SRRT: variants seen among roughly 807,000 people sequenced by gnomAD.
The protein encoded by SRRT is serrate, RNA effector molecule, also known as serrate RNA effector molecule homolog.
In SRRT, 32 loss-of-function variants were observed where a neutral mutation model predicts 103.2. That is an observed-to-expected ratio of 0.31 (90% CI 0.23 to 0.42). The LOEUF (loss-of-function observed/expected upper bound fraction) is 0.42. SRRT is among the 10% of genes least tolerant of loss of function. The probability of loss-of-function intolerance (pLI) is 1.00; values close to 1 mark genes in which losing one functional copy is unlikely to be tolerated. For missense variants in SRRT, 986 were observed against 1,207.5 expected (o/e 0.82, Z 2.72); for synonymous variants, 525 against 449.0 (o/e 1.17, Z -2.14).
In SRRT at chr7:100,881,274, C is replaced by T; in HGVS notation, c.123-11C>T. ...TGGCCTTTAATCTTTGTTACTTGTT[C>T]TTACTGCCAGAGAGTGGGACCGTGG... On this transcript the variant is annotated splice_polypyrimidine_tract_variant and intron_variant, in intron 2 of 19. Coordinates refer to ENST00000611405, the MANE Select transcript of SRRT (RefSeq NM_015908.6). 1 of 1,604,798 alleles carries T rather than the reference C, an allele frequency of 6.2e-7. No homozygotes were observed.
intron 2 of SRRT, among the ~76,000 whole-genome samples, chr7:100,877,213 G>C (rs1389751751): frequency 6.6e-6 from 1 of 151,418 alleles, no homozygotes; most frequent in African/African-American, 2.4e-5. Context: ...ACGAGATCGA[G>C]AGATTGAGAC....
intron 2 of SRRT, among the ~76,000 whole-genome samples, chr7:100,877,955 C>T (rs1212377303): frequency 1.3e-5 from 2 of 152,144 alleles, no homozygotes; most frequent in African/African-American, 2.4e-5. Flanking sequence ...AACTGAGAAC[C>T]TGTTACTTCA....
Position 100,887,576 on chromosome 7 carries a change from C to A in SRRT, c.2169+63C>A. On this transcript the variant is annotated intron_variant, in intron 16 of 19. Transcript: ENST00000611405. The surrounding 1 kb of genome is among the most constrained non-coding windows in gnomAD (Gnocchi z 4.1). ...GGAGGTGGGGTTGAGACAGGAAGCC[C>A]CCTGGGCAGGGGTGGGGGAACTGCT... 1 of 1,590,634 alleles carries A rather than the reference C, an allele frequency of 6.3e-7. No individual in the cohort carries two copies. Among genetic ancestry groups the A allele is most frequent in the Non-Finnish European group, 8.6e-7 (1 of 1,166,050 alleles).
rs1248412606 is a variant in SRRT, at chr7:100,887,357, G to A, written c.2013G>A (p.Thr671=). ...EWQKTFEEKL[T]PLLSVRESLS... Reference sequence around the variant, plus strand: ...AGAAGACTTTTGAGGAGAAGCTCACGCCGTTGCTGAGTGTGCGGGAGTCAC... The same window carrying A: ...AGAAGACTTTTGAGGAGAAGCTCACACCGTTGCTGAGTGTGCGGGAGTCAC... The change falls in exon 16 of 20, where the codon ACG becomes ACA. Residue 671 remains threonine, a synonymous_variant. Transcript: ENST00000611405. This position sits in a 1 kb window ranked among gnomAD's most constrained non-coding sequence, Gnocchi z 4.1. The A allele has an allele frequency of 1.2e-6, 2 of 1,614,148 alleles. No individual in the cohort carries two copies. Among genetic ancestry groups the A allele is most frequent in the African/African-American group, 1.3e-5 (1 of 75,028 alleles).
At chr7:100,879,926 C>T (rs1218142109) in intron 2 of SRRT, among the ~76,000 whole-genome samples, 2 of 152,116 alleles carry the variant, frequency 1.3e-5, no homozygotes, top group Non-Finnish European at 2.9e-5. Flanking sequence ...GAGTGACAGC[C>T]AGGAGCCCAA....
At chr7:100,875,451 ATGG>A (rs1260923013) in intron 1 of SRRT, 119 bp from the exon 2 acceptor site, 1 of 1,534,834 alleles carries the variant, frequency 6.5e-7, no homozygotes, top group African/African-American at 1.4e-5. Context: ...CAGGCCTAGG[ATGG>A]TGGGGGCCGC....
chr7:100,887,526 G>A lies in SRRT; in HGVS notation c.2169+13G>A. The A allele has an allele frequency of 6.2e-7, 1 of 1,612,516 alleles. No individual in the cohort carries two copies. The stretch of plus-strand genomic sequence containing the variant: ...CAAGAAATTCAAGGTGTGGGATGTT[G>A]GAGAATGGCCGTGCTACGGTGGTGG... On this transcript the variant is annotated intron_variant, in intron 16 of 19. Transcript: ENST00000611405. The surrounding 1 kb of genome is among the most constrained non-coding windows in gnomAD (Gnocchi z 4.1).
Position 100,884,521 on chromosome 7 carries a change from A to T in SRRT, c.911A>T (p.Asp304Val). 1 of 1,540,222 alleles carries T rather than the reference A, an allele frequency of 6.5e-7. No homozygotes were observed. The highest frequency in any genetic ancestry group is 1.4e-5 in the African/African-American group (1 of 72,304). ...GGGGACGGGGAGCGCAAAACCAACG[A>T]CAAGGATGAGAAGAAGGAAGACGGC... ...GLGDGERKTN[D>V]KDEKKEDGKQ... Residue 304 changes from aspartate to valine, a missense_variant, in exon 7 of 20, where the codon GAC (aspartate) becomes GTC (valine). Physicochemically the swap from Asp to Val is radical, Grantham distance 152. Transcript: ENST00000611405.
chr7:100,888,507 A>G lies in SRRT; in HGVS notation c.2589A>G (p.Glu863=), dbSNP rs370307936. The change falls in exon 20 of 20, where the codon GAA becomes GAG. Residue 863 remains glutamate, a synonymous_variant. Coordinates refer to ENST00000611405, the MANE Select transcript of SRRT (RefSeq NM_015908.6). ...GTGGAGACCCAAGGGCCATTGTGGA[A>G]TATCGGGACCTGGATGCCCCAGACG... The part of the protein sequence containing the change: ...MVRGDPRAIV[E]YRDLDAPDDV... The G allele has an allele frequency of 1.5e-5, 25 of 1,614,040 alleles. No individual in the cohort carries two copies. In the Admixed American group the frequency reaches 1.7e-4, roughly 11 times the overall value.
At chr7:100,880,791 G>T (rs976862581) in intron 2 of SRRT, 5 of 354,624 alleles carry the variant, frequency 1.4e-5, no homozygotes, top group Non-Finnish European at 2.3e-5. Context: ...TGTAGCAGGG[G>T]TGATTCATGT....
chr7:100,881,780 C>T lies in SRRT; in HGVS notation c.373C>T (p.His125Tyr). The change falls in exon 4 of 20, where the codon CAC becomes TAC. Residue 125 changes from histidine to tyrosine, a missense_variant. Around this residue, in one of 6 missense-constraint regions of SRRT, gnomAD observed 274 missense variants for 358.5 expected, o/e 0.76. Coordinates refer to ENST00000611405, the MANE Select transcript of SRRT (RefSeq NM_015908.6). The stretch of plus-strand genomic sequence containing the variant: ...CCACCCTGACGTCCACATCATGCAG[C>T]ACCATGTCCTGCCTATCCAGGCCAG... The part of the protein sequence containing the change: ...WGHPDVHIMQ[H>Y]HVLPIQARLG... 1 of 1,612,314 alleles carries T rather than the reference C, an allele frequency of 6.2e-7. No individual in the cohort carries two copies. Among genetic ancestry groups the T allele is most frequent in the South Asian group, 1.1e-5 (1 of 90,990 alleles).
At chr7:100,886,585 C>T in intron 13 of SRRT, 150 bp downstream of exon 13, 2 of 958,336 alleles carry the variant, frequency 2.1e-6, no homozygotes, top group Non-Finnish European at 1.5e-6. Context: ...GCAGCACCTC[C>T]AGATTCCAGC....
Position 100,881,708 on chromosome 7 carries a change from G to C in SRRT, c.301G>C (p.Ala101Pro). The C allele has an allele frequency of 6.2e-7, 1 of 1,614,088 alleles. No homozygotes were observed. The highest frequency in any genetic ancestry group is 8.5e-7 in the Non-Finnish European group (1 of 1,180,022). ...CCACAGTGGCTATGAGATGCCCTATGCTGGGGGGGGTGGGGGCCCAACTTA... is the reference window on the plus strand; with the variant it reads ...CCACAGTGGCTATGAGATGCCCTATCCTGGGGGGGGTGGGGGCCCAACTTA... The part of the protein sequence containing the change: ...PYHSGYEMPY[A>P]GGGGGPTYGP... Residue 101 changes from alanine (A) to proline (P), a missense_variant, in exon 4 of 20, where the codon GCT (alanine) becomes CCT (proline). Ala to Pro is a conservative substitution (Grantham distance 27). This residue lies in a region of SRRT where 274 missense variants were observed against 358.5 expected (regional missense o/e 0.76). Transcript: ENST00000611405.
At chr7:100,875,482 G>T in intron 1 of SRRT, 91 bp from the exon 2 acceptor site, 1 of 1,570,948 alleles carries the variant, frequency 6.4e-7, no homozygotes, top group Middle Eastern at 1.7e-4. Flanking sequence ...TGGCCTTGGC[G>T]GGAGGGAAGC....
intron 2 of SRRT, among the ~76,000 whole-genome samples, chr7:100,880,958 C>T (rs1243117478): frequency 1.3e-5 from 2 of 152,048 alleles, no homozygotes; most frequent in African/African-American, 2.4e-5. Context: ...CAGTGGCTTG[C>T]CCTGACTAGA....
Position 100,885,744 on chromosome 7 carries a change from A to G in SRRT, c.1361A>G (p.Glu454Gly). The G allele has an allele frequency of 6.2e-7, 1 of 1,614,076 alleles. No individual in the cohort carries two copies. Among genetic ancestry groups the G allele is most frequent in the Non-Finnish European group, 8.5e-7 (1 of 1,179,974 alleles). The change falls in exon 11 of 20, where the codon GAG becomes GGG. Residue 454 changes from glutamate to glycine, a missense_variant. Physicochemically the swap from Glu to Gly is moderately conservative, Grantham distance 98. Around this residue, in one of 6 missense-constraint regions of SRRT, gnomAD observed 349 missense variants for 446.9 expected, o/e 0.78. Coordinates refer to ENST00000611405, the MANE Select transcript of SRRT (RefSeq NM_015908.6). This position sits in a 1 kb window ranked among gnomAD's most constrained non-coding sequence, Gnocchi z 4.8. ...YPGFMRVALS[E>G]PQPERRFFRR... ...GGCTTTATGCGGGTGGCGCTCTCAG[A>G]GCCCCAGCCAGAGAGGAGGTGAGTA...
At position 100,887,806 on chromosome 7, in the gene SRRT, A is replaced by T; in HGVS notation, c.2273A>T (p.Lys758Met). ...TTTAACAACTTCCTCACTGATGCTA[A>T]GCGCCCAGCTCTGCCTGAGATCAAG... ...AFFNNFLTDA[K>M]RPALPEIKPA... is the part of the protein sequence containing the mutation. The change falls in exon 17 of 20, where the codon AAG (lysine) becomes ATG (methionine). Residue 758 changes from lysine (K) to methionine (M), a missense_variant. Transcript: ENST00000611405. The surrounding 1 kb of genome is among the most constrained non-coding windows in gnomAD (Gnocchi z 4.1). 6.2e-7 allele frequency: 1 copy of T among 1,613,128 alleles called. No homozygotes were observed. Among genetic ancestry groups the T allele is most frequent in the Non-Finnish European group, 8.5e-7 (1 of 1,179,142 alleles).
In SRRT at chr7:100,887,026, G is replaced by A. The variant is rs746954277; in HGVS notation, c.1822-21G>A. On this transcript the variant is annotated intron_variant, in intron 14 of 19. Coordinates refer to ENST00000611405, the MANE Select transcript of SRRT (RefSeq NM_015908.6). The surrounding 1 kb of genome is among the most constrained non-coding windows in gnomAD (Gnocchi z 4.1). ...CGGGCGGTGAGGGCAGGAGCTGAAC[G>A]CTCGCATTCACTTCCCTTAGGTCTT... is the stretch of plus-strand genomic sequence containing the variant. The A allele has an allele frequency of 5.0e-6, 8 of 1,613,080 alleles. No individual in the cohort carries two copies. The highest frequency in any genetic ancestry group is 3.3e-5 in the Admixed American group (2 of 59,996).
At chr7:100,886,033 T>C in intron 12 of SRRT, 92 bp downstream of exon 12, 1 of 1,473,352 alleles carries the variant, frequency 6.8e-7, no homozygotes, top group Admixed American at 1.7e-5. Flanking sequence ...GATAGTTTGG[T>C]TGTTCTGCAC....
Sources: allele counts gnomAD v4.1 joint callset (sites outside exome capture counted in the v4.1 genomes callset), GRCh38; gene constraint gnomAD v4.1.1; regional missense constraint gnomAD v4.1.1; non-coding constraint Gnocchi (gnomAD v3.1); transcripts MANE v1.5; gene names NCBI Gene and HGNC (gene_info 2026-07-23, HGNC 2026-07-21).